Variants in DOCK1 observed in about 807,000 individuals in gnomAD.
DOCK1 encodes the protein dedicator of cytokinesis 1, also known as dedicator of cytokinesis protein 1.
In DOCK1, 138 loss-of-function variants were observed where a neutral mutation model predicts 262.7. The observed-to-expected ratio is 0.53, with a 90% CI of 0.46 to 0.61. The LOEUF (loss-of-function observed/expected upper bound fraction) is 0.61. DOCK1 is among the 20% of genes least tolerant of loss of function. The pLI is 0.00. For missense variants in DOCK1, 1,908 were observed against 2,370.7 expected (o/e 0.80, Z 4.05); for synonymous variants, 866 against 867.4 (o/e 1.00, Z 0.03).
At chr10:126,946,998 C>G (rs1330801746) in intron 1 of DOCK1, among the ~76,000 whole-genome samples, 5 of 152,342 alleles carry the variant, frequency 3.3e-5, no homozygotes, top group South Asian at 2.1e-4. Context: ...TCCTGTCCCC[C>G]CATCCCTGGC....
At chr10:127,147,701 G>A (rs1030338554) in intron 27 of DOCK1, among the ~76,000 whole-genome samples, 3 of 152,058 alleles carry the variant, frequency 2.0e-5, no homozygotes, top group African/African-American at 7.2e-5. Flanking sequence ...CAAATGGAAA[G>A]GGCTAAGGCA....
chr10:127,428,445 AGTGCCTTGTGGATTGGG>A (rs2068963852), intron 47 of DOCK1, among the ~76,000 whole-genome samples: 1 of 106,986 alleles, frequency 9.3e-6, no homozygotes, highest in Non-Finnish European at 2.0e-5. Context: ...TGTGAATTGG[AGTGCCTTGTGGATTGGG>A]GTGCCGTGTG....
chr10:126,936,377 G>T (rs1054706432), intron 1 of DOCK1, among the ~76,000 whole-genome samples: 6 of 152,180 alleles, frequency 3.9e-5, no homozygotes, highest in South Asian at 2.1e-4. Context: ...CTCTGCCATT[G>T]TAACACAAAA....
intron 27 of DOCK1, among the ~76,000 whole-genome samples, chr10:127,235,158 T>A (rs1463834528): frequency 6.6e-6 from 1 of 151,328 alleles, no homozygotes; most frequent in African/African-American, 2.4e-5. Context: ...AATACGTATA[T>A]TTTATACATT....
At chr10:126,965,617 G>C (rs2037613759) in intron 1 of DOCK1, among the ~76,000 whole-genome samples, 2 of 152,118 alleles carry the variant, frequency 1.3e-5, no homozygotes, top group African/African-American at 4.8e-5. Context: ...CAGTCACAAC[G>C]CCCCTGTAGA....
At chr10:127,026,799 T>C (rs1399573607) in intron 16 of DOCK1, among the ~76,000 whole-genome samples, 1 of 152,232 alleles carries the variant, frequency 6.6e-6, no homozygotes, top group Non-Finnish European at 1.5e-5. Context: ...GAACCCTTTT[T>C]GTCTTCCTTG....
At chr10:127,224,380 G>A (rs1470832703) in intron 27 of DOCK1, among the ~76,000 whole-genome samples, 1 of 151,998 alleles carries the variant, frequency 6.6e-6, no homozygotes, top group African/African-American at 2.4e-5. Context: ...GGCCAAACAT[G>A]TTGAAACCCT....
intron 1 of DOCK1, among the ~76,000 whole-genome samples, chr10:126,938,790 CGGGGATGAGCACCGGA>C (rs2034737702): frequency 2.3e-5 from 1 of 43,190 alleles, no homozygotes; most frequent in Non-Finnish European, 5.8e-5. Context: ...TGAACACCAG[CGGGGATGAGCACCGGA>C]GGGGATGAAC....
Position 127,110,361 on chromosome 10 carries a change from G to A in DOCK1, c.2623+7G>A. 8.1e-6 allele frequency: 13 copies of A among 1,603,470 alleles called. No homozygotes were observed. The highest frequency in any genetic ancestry group is 1.1e-5 in the Non-Finnish European group (13 of 1,172,616). ...GACCTCTTCACACAGCATGGTGAGT[G>A]GAACCCCAAGAATTATTCACTTGTC... On this transcript the variant is annotated splice_region_variant and intron_variant, in intron 25 of 51. Coordinates refer to ENST00000623213, the MANE Select transcript of DOCK1 (RefSeq NM_001290223.2).
At chr10:127,408,364 T>C (rs1390607932) in intron 40 of DOCK1, among the ~76,000 whole-genome samples, 2 of 152,192 alleles carry the variant, frequency 1.3e-5, no homozygotes, top group East Asian at 3.9e-4. Context: ...TGATGAATAA[T>C]GACCTGCACA....
In DOCK1 at chr10:127,149,694, G is replaced by C. The variant is rs551865498; in HGVS notation, c.2847+21930G>C. Among the ~76,000 whole-genome samples, 4 of 91,320 alleles carry C rather than the reference G, an allele frequency of 4.4e-5. No individual in the cohort carries two copies. In the South Asian group the frequency reaches 2.6e-3, roughly 59 times the overall value. 59.9% of individuals were successfully genotyped at this position (91,320 alleles called of 152,430 possible). A position where few individuals can be genotyped will look rare whatever the true frequency, so the allele number is the denominator to read the frequency against. Reference sequence around the variant, plus strand: ...TCCCTCCAGGGCTTTTGGCCTTCCAGAAAGCAGGGTATGACATTACAATGT... The same window carrying C: ...TCCCTCCAGGGCTTTTGGCCTTCCACAAAGCAGGGTATGACATTACAATGT... On this transcript the variant is annotated intron_variant, in intron 27 of 51. Coordinates refer to ENST00000623213, the MANE Select transcript of DOCK1 (RefSeq NM_001290223.2).
chr10:127,394,839 G>A (rs61870328), intron 38 of DOCK1, among the ~76,000 whole-genome samples: 22,422 of 152,078 alleles, frequency 0.15, 2,043 homozygotes, highest in South Asian at 0.21. Context: ...ACCTCGAGGC[G>A]ATTCTAGCAT....
At chr10:127,405,170 G>A (rs2067446327) in intron 40 of DOCK1, among the ~76,000 whole-genome samples, 1 of 152,160 alleles carries the variant, frequency 6.6e-6, no homozygotes, top group African/African-American at 2.4e-5. Flanking sequence ...TGGGAAATTG[G>A]AAATGGATCT....
intron 29 of DOCK1, among the ~76,000 whole-genome samples, chr10:127,277,115 C>T (rs1230565683): frequency 6.6e-6 from 1 of 152,156 alleles, no homozygotes; most frequent in Non-Finnish European, 1.5e-5. Context: ...GGTAAACGCT[C>T]AGTTTCCCTT....
intron 1 of DOCK1, among the ~76,000 whole-genome samples, chr10:126,952,167 G>C (rs1216935008): frequency 1.3e-5 from 2 of 151,898 alleles, no homozygotes; most frequent in Non-Finnish European, 2.9e-5. Flanking sequence ...GTTTATATAG[G>C]GTGTACACCA....
rs751499979 is a variant in DOCK1, at chr10:127,028,741, C to T, written c.1624+2317C>T. Among the ~76,000 whole-genome samples, 25 of 152,174 alleles carry T rather than the reference C, an allele frequency of 1.6e-4. No individual in the cohort carries two copies. In the South Asian group the frequency reaches 2.1e-3, roughly 13 times the overall value. ...GCAAGAACCAGCTAGGGCGTGGCAG[C>T]CTGTGAGTATCACATGAATTAGGCA... On this transcript the variant is annotated intron_variant, in intron 16 of 51. Coordinates refer to ENST00000623213, the MANE Select transcript of DOCK1 (RefSeq NM_001290223.2).
intron 25 of DOCK1, among the ~76,000 whole-genome samples, chr10:127,117,263 G>A (rs566055928): frequency 6.6e-6 from 1 of 152,330 alleles, no homozygotes; most frequent in East Asian, 1.9e-4. Flanking sequence ...TTGGAAAAGA[G>A]TGATTATCTC....
chr10:127,037,847 T>TA, intron 19 of DOCK1, 31 bp downstream of exon 19: 136 of 1,221,876 alleles, frequency 1.1e-4, no homozygotes, highest in Non-Finnish European at 1.3e-4. Context: ...ACTTTTTGGG[T>TA]CTTTTTTTTT....
At chr10:127,430,079 C>G (rs1390484907) in intron 47 of DOCK1, among the ~76,000 whole-genome samples, 1 of 152,206 alleles carries the variant, frequency 6.6e-6, no homozygotes, top group Non-Finnish European at 1.5e-5. Context: ...CACCTACAGT[C>G]ACAACACCCG....
Sources: allele counts gnomAD v4.1 joint callset (sites outside exome capture counted in the v4.1 genomes callset), GRCh38; gene constraint gnomAD v4.1.1; transcripts MANE v1.5; gene names NCBI Gene and HGNC (gene_info 2026-07-23, HGNC 2026-07-21).